AIDA: variants seen among roughly 807,000 people sequenced by gnomAD.
The protein encoded by AIDA is axin interactor, dorsalization-associated protein.
AIDA carries 18 observed loss-of-function variants against 42.7 expected under a neutral mutation model. The observed-to-expected ratio is 0.42, with a 90% CI of 0.29 to 0.63. The LOEUF is 0.63. AIDA is among the 20% of genes least tolerant of loss of function. The probability of loss-of-function intolerance (pLI) is 0.19; values close to 1 mark genes in which losing one functional copy is unlikely to be tolerated. For synonymous variants in AIDA, 104 were observed against 122.9 expected (o/e 0.85, Z 1.02); for missense variants, 250 against 354.1 (o/e 0.71, Z 2.36).
At chr1:222,673,544 A>G (rs1664487816) in intron 7 of AIDA, 109 bp from the exon 8 acceptor site, 2 of 739,702 alleles carry the variant, frequency 2.7e-6, no homozygotes, top group African/African-American at 3.6e-5. Flanking sequence ...TGGGAGGCCG[A>G]GGCGGGCAGA....
intron 7 of AIDA, among the ~76,000 whole-genome samples, 165 bp from the exon 8 acceptor site, chr1:222,673,600 C>A (rs1401014700): frequency 6.6e-6 from 1 of 151,162 alleles, no homozygotes; most frequent in East Asian, 2.0e-4. Flanking sequence ...CATGGTGAAA[C>A]CCCGTCTCTA....
At chr1:222,673,961 C>A (rs946359509) in intron 7 of AIDA, among the ~76,000 whole-genome samples, 2 of 151,896 alleles carry the variant, frequency 1.3e-5, no homozygotes, top group Non-Finnish European at 2.9e-5. Flanking sequence ...GTGGTGCACA[C>A]CTGTAATCCC....
chr1:222,712,491 G>C lies in AIDA; in HGVS notation c.-174C>G. On this transcript the variant is annotated 5_prime_UTR_variant, in exon 1 of 10. Transcript: ENST00000340020. ...CCATTTGCCGCCACAGCCAAACTTT[G>C]CGGCTCCAAAGCGACCGCCCCGCCG... The C allele has an allele frequency of 1.4e-6, 2 of 1,416,076 alleles. No individual in the cohort carries two copies. Among genetic ancestry groups the C allele is most frequent in the Non-Finnish European group, 1.8e-6 (2 of 1,088,376 alleles). 87.7% of individuals were successfully genotyped at this position (1,416,076 alleles called of 1,614,324 possible).
chr1:222,711,593 C>G (rs1023304078), intron 1 of AIDA: 2 of 152,294 alleles, frequency 1.3e-5, no homozygotes, highest in African/African-American at 4.8e-5. Context: ...AGGTGGAATT[C>G]TGAAAACACG....
chr1:222,702,021 G>T (rs1208399947), intron 2 of AIDA, among the ~76,000 whole-genome samples: 2 of 115,984 alleles, frequency 1.7e-5, no homozygotes, highest in Non-Finnish European at 4.0e-5. Flanking sequence ...ACCACACCCA[G>T]CCAAAAAAAA....
At chr1:222,701,125 C>A (rs1477863037) in intron 2 of AIDA, among the ~76,000 whole-genome samples, 1 of 151,816 alleles carries the variant, frequency 6.6e-6, no homozygotes, top group East Asian at 2.0e-4. Flanking sequence ...ACCACGCCTA[C>A]CTAATTTTTG....
At position 222,668,433 on chromosome 1, in the gene AIDA, GA is replaced by G. The variant is rs1350976636; in HGVS notation, c.*1459del. ...GTGGACTGAATCATTTTAGAATTTG[GA>G]ATTAATCCAATCAAGATGAGAGACA... On this transcript the variant is annotated 3_prime_UTR_variant, in exon 10 of 10. Coordinates refer to ENST00000340020, the MANE Select transcript of AIDA (RefSeq NM_022831.4). 12 of 85,394 alleles carry G rather than the reference GA, an allele frequency of 1.4e-4. No individual in the cohort carries two copies. The East Asian group carries it at 3.1e-3, about 22-fold the overall frequency. 5.3% of individuals were successfully genotyped at this position (85,394 alleles called of 1,614,324 possible).
At chr1:222,684,790 C>T (rs1350405946) in intron 6 of AIDA, among the ~76,000 whole-genome samples, 1 of 152,122 alleles carries the variant, frequency 6.6e-6, no homozygotes, top group Non-Finnish European at 1.5e-5. Flanking sequence ...GGTAGAAGTT[C>T]CTTTTCAACT....
rs767238048 is a variant in AIDA, at chr1:222,670,268, G to C, written c.707-18C>G. The C allele has an allele frequency of 1.1e-5, 18 of 1,595,314 alleles. No homozygotes were observed. Among genetic ancestry groups the C allele is most frequent in the Middle Eastern group, 1.7e-4 (1 of 6,036 alleles). ...AGCTGCACCTAAGGAATTAAAACAA[G>C]CCACATAAACCACAGATAGCACATT... is the stretch of plus-strand genomic sequence containing the variant. On this transcript the variant is annotated intron_variant, in intron 8 of 9. Coordinates refer to ENST00000340020, the MANE Select transcript of AIDA (RefSeq NM_022831.4).
intron 8 of AIDA, among the ~76,000 whole-genome samples, chr1:222,670,640 C>G (rs1664430442): frequency 6.6e-6 from 1 of 152,106 alleles, no homozygotes; most frequent in African/African-American, 2.4e-5. Flanking sequence ...TAAAAGAGTT[C>G]CTAAAAAAAT....
chr1:222,709,387 C>T (rs990903388), intron 1 of AIDA, among the ~76,000 whole-genome samples: 14 of 152,078 alleles, frequency 9.2e-5, no homozygotes, highest in African/African-American at 9.6e-5. Context: ...GCCGAGATCG[C>T]GCCACTGCAC....
chr1:222,710,528 T>C (rs532870516), intron 1 of AIDA, among the ~76,000 whole-genome samples: 2 of 152,338 alleles, frequency 1.3e-5, no homozygotes, highest in South Asian at 4.1e-4. Context: ...AAGTAAGAGA[T>C]GGCTTTCTAT....
At chr1:222,708,404 G>A (rs557810192) in intron 1 of AIDA, among the ~76,000 whole-genome samples, 38 of 150,934 alleles carry the variant, frequency 2.5e-4, no homozygotes, top group South Asian at 8.4e-4. Flanking sequence ...GTCTCACTCC[G>A]TCACCCAGGC....
At chr1:222,678,200 GGTGTGTGTGTGTGTGTGTGTGT>G (rs71732365) in intron 6 of AIDA, among the ~76,000 whole-genome samples, 1 of 145,398 alleles carries the variant, frequency 6.9e-6, no homozygotes, top group South Asian at 2.2e-4. Context: ...TATATCTTGG[GGTGTGTGTGTGTGTGTGTGTGT>G]GTGTGTGTGT....
intron 6 of AIDA, among the ~76,000 whole-genome samples, chr1:222,677,060 C>T (rs1026677504): frequency 1.3e-5 from 2 of 151,860 alleles, no homozygotes; most frequent in African/African-American, 4.8e-5. Flanking sequence ...TTAAAGACTT[C>T]TTAATTTTCT....
rs1037842924 is a variant in AIDA, at chr1:222,687,773, C to G, written c.290-115G>C. ...TGTGCATATTAATATATATAAATTC[C>G]CAGCCTTACCACCATTTGAGAGCTA... On this transcript the variant is annotated intron_variant, in intron 4 of 9. Transcript: ENST00000340020. 10 of 781,676 alleles carry G rather than the reference C, an allele frequency of 1.3e-5. No individual in the cohort carries two copies. The Admixed American group carries it at 3.8e-4, about 30-fold the overall frequency. The allele number at this position is 781,676 out of a possible 1,614,324, so 48.4% of individuals were successfully genotyped here. A position where few individuals can be genotyped will look rare whatever the true frequency, so the allele number is the denominator to read the frequency against.
rs1664411006 is a variant in AIDA at position 222,669,759 on chromosome 1, T to C, written c.*134A>G. 1.2e-5 allele frequency: 11 copies of C among 881,288 alleles called. No individual in the cohort carries two copies. The East Asian group carries it at 2.7e-4, about 21-fold the overall frequency. 54.6% of individuals were successfully genotyped at this position (881,288 alleles called of 1,614,324 possible). A position where few individuals can be genotyped will look rare whatever the true frequency, so the allele number is the denominator to read the frequency against. On this transcript the variant is annotated 3_prime_UTR_variant, in exon 10 of 10. Coordinates refer to ENST00000340020, the MANE Select transcript of AIDA (RefSeq NM_022831.4). ...TGAATTCTGTGGTACAGCTTTGCAT[T>C]GGACTCCGTCCGGCCTACTGGTCTG...
chr1:222,704,686 T>C (rs1273155037), intron 1 of AIDA, among the ~76,000 whole-genome samples: 1 of 152,142 alleles, frequency 6.6e-6, no homozygotes, highest in African/African-American at 2.4e-5. Context: ...GTATGGGGTT[T>C]CTTTCGGGAG....
intron 3 of AIDA, 58 bp from the exon 4 acceptor site, chr1:222,693,901 T>A: frequency 7.4e-7 from 1 of 1,351,016 alleles, no homozygotes; most frequent in Non-Finnish European, 1.0e-6. Context: ...CTGCACCCTG[T>A]CTTTTAAGTG....
Sources: allele counts gnomAD v4.1 joint callset (sites outside exome capture counted in the v4.1 genomes callset), GRCh38; gene constraint gnomAD v4.1.1; transcripts MANE v1.5; gene names NCBI Gene and HGNC (gene_info 2026-07-23, HGNC 2026-07-21).